AFAP1L2: variants seen among roughly 807,000 people sequenced by gnomAD.
The protein encoded by AFAP1L2 is actin filament associated protein 1 like 2.
AFAP1L2 carries 46 observed loss-of-function variants against 99.3 expected under a neutral mutation model. The ratio of observed to expected loss-of-function variants is 0.46; its 90% CI spans 0.37 to 0.59. The LOEUF (loss-of-function observed/expected upper bound fraction) is 0.59, where lower values mean the gene tolerates loss of function less well. Ranked by LOEUF, AFAP1L2 falls within the 20% of genes least tolerant of loss-of-function variation. AFAP1L2 has a pLI of 0.00. For synonymous variants in AFAP1L2, 397 were observed against 419.1 expected, an observed-to-expected ratio of 0.95 and a Z score of 0.64; for missense variants, 959 against 1,034.9, an observed-to-expected ratio of 0.93 and a Z score of 1.01.
chr10:114,376,440 G>A (rs2054808104), intron 1 of AFAP1L2, among the ~76,000 whole-genome samples: 1 of 152,194 alleles, frequency 6.6e-6, no homozygotes, highest in Non-Finnish European at 1.5e-5. Context: ...TTCTACTAAA[G>A]TAGCATCTGA....
At chr10:114,384,230 C>T (rs1983760) in intron 1 of AFAP1L2, among the ~76,000 whole-genome samples, 45,860 of 152,014 alleles carry the variant, frequency 0.3, 7,968 homozygotes, top group African/African-American at 0.45. Context: ...TTGGCAGCCA[C>T]GAATCCCATC....
In AFAP1L2 at chr10:114,300,246, G is replaced by A; in HGVS notation, c.1905C>T (p.Thr635=). ...TCACAGGTGGGCTGGCACCAGGTGG[G>A]GTGGCCACCACGGCATCCGGGCAGC... The part of the protein sequence containing the change: ...PPSCPDAVVA[T]PPGASPPVKD... Residue 635 remains threonine, a synonymous_variant, in exon 15 of 19, where the codon ACC becomes ACT. Transcript: ENST00000304129. 6.2e-7 allele frequency: 1 copy of A among 1,614,124 alleles called. No individual in the cohort carries two copies. Among genetic ancestry groups the A allele is most frequent in the South Asian group, 1.1e-5 (1 of 91,080 alleles).
At chr10:114,303,506 C>T (rs894476796) in intron 11 of AFAP1L2, among the ~76,000 whole-genome samples, 15 of 152,168 alleles carry the variant, frequency 9.9e-5, no homozygotes, top group Non-Finnish European at 4.4e-5. Flanking sequence ...AGGGTTTCAC[C>T]ATGTTGGCCA....
downstream of AFAP1L2, chr10:114,294,736 G>T: frequency 1.2e-6 from 1 of 805,950 alleles, no homozygotes; most frequent in Non-Finnish European, 1.5e-6. Flanking sequence ...ATCCCATCTT[G>T]TAGTTCAGTG....
chr10:114,354,323 C>T (rs2050984911), intron 1 of AFAP1L2, among the ~76,000 whole-genome samples: 1 of 152,172 alleles, frequency 6.6e-6, no homozygotes, highest in South Asian at 2.1e-4. Context: ...CTGATCGTAG[C>T]ACCTCTAATG....
At chr10:114,348,884 T>C (rs1320462532) in intron 1 of AFAP1L2, among the ~76,000 whole-genome samples, 1 of 152,142 alleles carries the variant, frequency 6.6e-6, no homozygotes, top group African/African-American at 2.4e-5. Flanking sequence ...CTAGCTAAAG[T>C]TGTGATGATT....
intron 8 of AFAP1L2, 81 bp downstream of exon 8, chr10:114,310,273 G>A (rs1428559306): frequency 2.0e-5 from 28 of 1,385,172 alleles, no homozygotes; most frequent in Non-Finnish European, 2.6e-5. Context: ...ATATAAAAAC[G>A]AAGCTCCCAA....
chr10:114,299,415 T>G lies in AFAP1L2; in HGVS notation c.1958A>C (p.Glu653Ala). The G allele has an allele frequency of 1.9e-6, 3 of 1,614,148 alleles. No individual in the cohort carries two copies. Among genetic ancestry groups the G allele is most frequent in the Non-Finnish European group, 2.5e-6 (3 of 1,180,012 alleles). ...VKDRLRVTSA[E>A]IKLGKNRTEA... ...TGTCCGATTCTTGCCAAGCTTGATCTCTACAGACCCAGAGAGGGAAGCCCC... is the reference window on the plus strand; with the variant it reads ...TGTCCGATTCTTGCCAAGCTTGATCGCTACAGACCCAGAGAGGGAAGCCCC... Residue 653 changes from glutamate to alanine, a missense_variant and splice_region_variant, in exon 16 of 19, where the codon GAG becomes GCG. Physicochemically the swap from Glu to Ala is moderately radical, Grantham distance 107 (BLOSUM62 -1). Around this residue, in one of 2 missense-constraint regions of AFAP1L2, gnomAD observed 576 missense variants for 562.1 expected, o/e 1.02. Transcript: ENST00000304129.
intron 1 of AFAP1L2, among the ~76,000 whole-genome samples, chr10:114,363,705 C>G (rs151146519): frequency 5.9e-4 from 90 of 152,324 alleles, no homozygotes; most frequent in African/African-American, 2.0e-3. Context: ...CTCTGGGAGG[C>G]CTTCCTTGAT....
intron 1 of AFAP1L2, among the ~76,000 whole-genome samples, chr10:114,379,384 A>T (rs917643197): frequency 3.3e-5 from 5 of 152,124 alleles, no homozygotes; most frequent in African/African-American, 1.2e-4. Flanking sequence ...TGTCTAAAAC[A>T]AAGTCAGCAA....
intron 1 of AFAP1L2, among the ~76,000 whole-genome samples, chr10:114,353,329 C>T (rs2050826333): frequency 6.6e-6 from 1 of 152,242 alleles, no homozygotes; most frequent in African/African-American, 2.4e-5. Flanking sequence ...CTCAAACTAG[C>T]TGTTCTTCTA....
At chr10:114,305,918 G>GGGC (rs2042254713) in intron 10 of AFAP1L2, among the ~76,000 whole-genome samples, 1 of 101,788 alleles carries the variant, frequency 9.8e-6, no homozygotes, top group Non-Finnish European at 2.0e-5. Flanking sequence ...GGGGACACAG[G>GGGC]TGCAGGAGGG....
intron 1 of AFAP1L2, among the ~76,000 whole-genome samples, chr10:114,345,282 G>T (rs2049379638): frequency 6.6e-6 from 1 of 152,068 alleles, no homozygotes; most frequent in Admixed American, 6.6e-5. Flanking sequence ...CTGTGGATTG[G>T]GGGTGATGCA....
intron 1 of AFAP1L2, among the ~76,000 whole-genome samples, chr10:114,349,598 C>T (rs1185732928): frequency 1.3e-5 from 2 of 149,182 alleles, no homozygotes; most frequent in Admixed American, 1.3e-4. Flanking sequence ...AGGCAAGGGT[C>T]AAGATGTCTC....
chr10:114,345,060 G>GTGATCACA (rs921335735), intron 1 of AFAP1L2, among the ~76,000 whole-genome samples: 2 of 148,484 alleles, frequency 1.3e-5, no homozygotes, highest in Non-Finnish European at 3.0e-5. Flanking sequence ...TCACACCACT[G>GTGATCACA]CCCTCCAGCC....
At chr10:114,368,451 G>A (rs1016736679) in intron 1 of AFAP1L2, among the ~76,000 whole-genome samples, 1 of 152,094 alleles carries the variant, frequency 6.6e-6, no homozygotes, top group Non-Finnish European at 1.5e-5. Context: ...ACAGGGTCTC[G>A]TACCATCACC....
chr10:114,315,712 T>TGCC lies in AFAP1L2; in HGVS notation c.457_459dup (p.Gly153dup). The TGCC allele has an allele frequency of 6.2e-7, 1 of 1,613,636 alleles. No homozygotes were observed. The highest frequency in any genetic ancestry group is 8.5e-7 in the Non-Finnish European group (1 of 1,179,976). Reference sequence around the variant, plus strand: ...TGGTAAGGGGCCGACTTGCCCTTGCTGCCGTCCTCTTCATCGTAGGACTCG... The same window carrying TGCC: ...TGGTAAGGGGCCGACTTGCCCTTGCTGCCGCCGTCCTCTTCATCGTAGGACTCG... On this transcript the variant is annotated inframe_insertion, in exon 6 of 19. Coordinates refer to ENST00000304129, the MANE Select transcript of AFAP1L2 (RefSeq NM_001001936.3).
chr10:114,327,173 A>ATATAT (rs1491191152), intron 4 of AFAP1L2, among the ~76,000 whole-genome samples: 1 of 18,700 alleles, frequency 5.3e-5, no homozygotes, highest in African/African-American at 1.1e-4. Flanking sequence ...ATATATATAT[A>ATATAT]TTTTTTTTTT....
chr10:114,286,654 T>A, the AFAP1L2 span: 1 of 697,786 alleles, frequency 1.4e-6, no homozygotes, highest in Non-Finnish European at 2.3e-6. Flanking sequence ...ACCAGTCACA[T>A]AAATAATTTT....
Sources: allele counts gnomAD v4.1 joint callset (sites outside exome capture counted in the v4.1 genomes callset), GRCh38; gene constraint gnomAD v4.1.1; regional missense constraint gnomAD v4.1.1; transcripts MANE v1.5; gene names NCBI Gene and HGNC (gene_info 2026-07-23, HGNC 2026-07-21).